FSHR: variants seen among roughly 807,000 people sequenced by gnomAD.
FSHR encodes the protein follicle stimulating hormone receptor.
A neutral mutation model predicts 52.1 loss-of-function variants in FSHR; 46 were observed. The ratio of observed to expected loss-of-function variants is 0.88; its 90% CI spans 0.70 to 1.13. FSHR has a LOEUF of 1.13. Among genes scored for constraint, FSHR ranks in the 50% most tolerant of loss-of-function variants. The pLI is 0.00. For synonymous variants in FSHR, 399 were observed against 309.6 expected (o/e 1.29, Z -3.03); for missense variants, 964 against 834.6 (o/e 1.16, Z -1.91).
At chr2:49,075,014 C>G (rs963006396) in intron 1 of FSHR, among the ~76,000 whole-genome samples, 3 of 151,934 alleles carry the variant, frequency 2.0e-5, no homozygotes, top group African/African-American at 7.2e-5. Context: ...AAAAGTATAA[C>G]AGAGGATACT....
At chr2:49,018,886 A>G (rs931887917) in intron 3 of FSHR, among the ~76,000 whole-genome samples, 1 of 152,152 alleles carries the variant, frequency 6.6e-6, no homozygotes, top group Non-Finnish European at 1.5e-5. Flanking sequence ...TCTGTTCCCT[A>G]CTGATATTTG....
At chr2:48,982,589 T>C (rs560678711) in intron 8 of FSHR, among the ~76,000 whole-genome samples, 13 of 152,282 alleles carry the variant, frequency 8.5e-5, no homozygotes, top group African/African-American at 3.1e-4. Context: ...AGCCAGTTTT[T>C]CCTTCTGTAA....
chr2:49,057,834 G>T (rs1184192952), intron 2 of FSHR, among the ~76,000 whole-genome samples: 1 of 152,022 alleles, frequency 6.6e-6, no homozygotes, highest in East Asian at 1.9e-4. Flanking sequence ...GAATTAAGTG[G>T]GATTTATCTG....
chr2:49,128,778 G>C (rs891848470), intron 1 of FSHR, among the ~76,000 whole-genome samples: 3 of 152,034 alleles, frequency 2.0e-5, no homozygotes, highest in African/African-American at 7.2e-5. Context: ...ACACAGATGA[G>C]TGGCATCTCA....
At chr2:49,033,111 C>A (rs1330084185) in intron 2 of FSHR, among the ~76,000 whole-genome samples, 1 of 152,178 alleles carries the variant, frequency 6.6e-6, no homozygotes, top group Non-Finnish European at 1.5e-5. Context: ...ACAGAAGATA[C>A]AGGAATTACC....
intron 2 of FSHR, among the ~76,000 whole-genome samples, chr2:49,043,608 T>G (rs1430338967): frequency 6.6e-6 from 1 of 152,174 alleles, no homozygotes; most frequent in Non-Finnish European, 1.5e-5. Flanking sequence ...ATCAGGACAT[T>G]GATGGACACA....
At chr2:49,102,974 C>G (rs1049009881) in intron 1 of FSHR, among the ~76,000 whole-genome samples, 1 of 152,002 alleles carries the variant, frequency 6.6e-6, no homozygotes, top group Non-Finnish European at 1.5e-5. Flanking sequence ...TTATTGCTTC[C>G]CTAAGGCACT....
chr2:48,978,279 A>T (rs1355580075), intron 8 of FSHR, among the ~76,000 whole-genome samples: 1 of 152,222 alleles, frequency 6.6e-6, no homozygotes, highest in Non-Finnish European at 1.5e-5. Flanking sequence ...CCCAGCAAAG[A>T]TGTTATTACA....
chr2:49,027,782 G>A (rs535891675), intron 2 of FSHR, among the ~76,000 whole-genome samples: 2 of 151,408 alleles, frequency 1.3e-5, no homozygotes, highest in African/African-American at 4.9e-5. Flanking sequence ...CCCAGGAGGC[G>A]GAGGTTGCAG....
intron 2 of FSHR, among the ~76,000 whole-genome samples, chr2:49,036,237 T>A (rs1668267443): frequency 6.6e-6 from 1 of 152,150 alleles, no homozygotes; most frequent in Non-Finnish European, 1.5e-5. Context: ...CTGATTTTGT[T>A]CTCAAGGAAA....
At chr2:49,127,723 T>G in intron 1 of FSHR, among the ~76,000 whole-genome samples, 1 of 151,456 alleles carries the variant, frequency 6.6e-6, no homozygotes, top group Non-Finnish European at 1.5e-5. Flanking sequence ...TTGTGGCACA[T>G]TGATTTGTGC....
chr2:49,134,927 A>T (rs575026463), intron 1 of FSHR, among the ~76,000 whole-genome samples: 2 of 151,754 alleles, frequency 1.3e-5, no homozygotes, highest in South Asian at 2.1e-4. Context: ...GGGTGGGAGG[A>T]TGGGGGAGGG....
At chr2:49,047,301 A>C (rs958537632) in intron 2 of FSHR, among the ~76,000 whole-genome samples, 1 of 152,230 alleles carries the variant, frequency 6.6e-6, no homozygotes, top group Admixed American at 6.5e-5. Flanking sequence ...AAGGGAAGAT[A>C]TAAAAGGAGT....
chr2:49,033,869 A>G (rs1668188292), intron 2 of FSHR, among the ~76,000 whole-genome samples: 1 of 152,130 alleles, frequency 6.6e-6, no homozygotes. Flanking sequence ...GACTGGAGGT[A>G]TTTTTAGAGC....
Position 49,017,476 on chromosome 2 carries a change from CAT to C in FSHR, c.374+11_374+12del, listed in dbSNP as rs1180246489. ...TAATCATAGTGGGGGTACCAAACTACATGAGTTCTTACAGATATTGAAGGTTG... is the reference window on the plus strand; with the variant it reads ...TAATCATAGTGGGGGTACCAAACTACGAGTTCTTACAGATATTGAAGGTTG... On this transcript the variant is annotated intron_variant, in intron 4 of 9. Coordinates refer to ENST00000406846, the MANE Select transcript of FSHR (RefSeq NM_000145.4). 1 of 1,600,822 alleles carries C rather than the reference CAT, an allele frequency of 6.2e-7. No homozygotes were observed. Among genetic ancestry groups the C allele is most frequent in the African/African-American group, 1.3e-5 (1 of 74,360 alleles).
intron 1 of FSHR, among the ~76,000 whole-genome samples, chr2:49,127,796 CTTCT>C: frequency 3.5e-5 from 2 of 56,520 alleles, no homozygotes; most frequent in African/African-American, 1.5e-4. Context: ...TCTTCTTCTT[CTTCT>C]TCTTCTTCTT....
At chr2:49,082,548 G>A (rs183237228) in intron 1 of FSHR, among the ~76,000 whole-genome samples, 5 of 152,276 alleles carry the variant, frequency 3.3e-5, no homozygotes, top group African/African-American at 7.2e-5. Flanking sequence ...AAATTACTCC[G>A]AGATACGGGA....
intron 6 of FSHR, among the ~76,000 whole-genome samples, chr2:48,988,136 C>T (rs1405356585): frequency 6.6e-6 from 1 of 152,118 alleles, no homozygotes; most frequent in African/African-American, 2.4e-5. Flanking sequence ...ACAGCCTGGT[C>T]TCTGAATCAT....
At chr2:48,971,255 G>A (rs1353402997) in intron 8 of FSHR, among the ~76,000 whole-genome samples, 1 of 152,158 alleles carries the variant, frequency 6.6e-6, no homozygotes, top group Non-Finnish European at 1.5e-5. Flanking sequence ...TTATCAATCA[G>A]CTTTCAATTG....
Sources: allele counts gnomAD v4.1 joint callset (sites outside exome capture counted in the v4.1 genomes callset), GRCh38; gene constraint gnomAD v4.1.1; transcripts MANE v1.5; gene names NCBI Gene and HGNC (gene_info 2026-07-23, HGNC 2026-07-21).